Variants in CHCHD6 observed in about 807,000 individuals in gnomAD.
CHCHD6 encodes the protein MICOS complex subunit MIC25.
A neutral mutation model predicts 32.3 loss-of-function variants in CHCHD6; 28 were observed. The ratio of observed to expected loss-of-function variants is 0.87; its 90% confidence interval spans 0.64 to 1.19. CHCHD6 has a LOEUF of 1.19. Ranked by LOEUF, CHCHD6 falls within the 50% of genes most tolerant of loss-of-function variation. The probability of loss-of-function intolerance (pLI) is 0.00; values close to 1 mark genes in which losing one functional copy is unlikely to be tolerated. For synonymous variants in CHCHD6, 122 were observed against 117.5 expected, an observed-to-expected ratio of 1.04 and a Z score of -0.25; for missense variants, 333 against 307.0, an observed-to-expected ratio of 1.08 and a Z score of -0.63.
intron 4 of CHCHD6, among the ~76,000 whole-genome samples, chr3:126,852,132 G>A (rs572465045): frequency 6.6e-4 from 101 of 152,334 alleles, no homozygotes; most frequent in Non-Finnish European, 1.3e-3. Flanking sequence ...GCATGAGGCT[G>A]TGGCATGGTG....
At chr3:126,912,328 C>T (rs1010958416) in intron 5 of CHCHD6, among the ~76,000 whole-genome samples, 5 of 152,086 alleles carry the variant, frequency 3.3e-5, no homozygotes, top group Admixed American at 6.5e-5. Context: ...CTGTCCCTAC[C>T]GCCTCGCCCA....
At chr3:126,775,432 A>G (rs556710929) in intron 4 of CHCHD6, among the ~76,000 whole-genome samples, 1 of 152,310 alleles carries the variant, frequency 6.6e-6, no homozygotes, top group South Asian at 2.1e-4. Flanking sequence ...TTTAAAATAG[A>G]AAGTGAGGAG....
At chr3:126,946,305 A>G (rs929996395) in intron 6 of CHCHD6, among the ~76,000 whole-genome samples, 1 of 152,188 alleles carries the variant, frequency 6.6e-6, no homozygotes, top group African/African-American at 2.4e-5. Flanking sequence ...ATGAGGGTGC[A>G]TCTCCTCTTA....
At chr3:126,956,008 A>G (rs550957006) in intron 6 of CHCHD6, among the ~76,000 whole-genome samples, 2 of 152,350 alleles carry the variant, frequency 1.3e-5, no homozygotes, top group Admixed American at 1.3e-4. Context: ...AGAGCAAGAC[A>G]GCTAAATATG....
chr3:126,877,136 G>A (rs1346901442), intron 5 of CHCHD6, among the ~76,000 whole-genome samples: 1 of 152,188 alleles, frequency 6.6e-6, no homozygotes, highest in Non-Finnish European at 1.5e-5. Flanking sequence ...AACTCAGGAA[G>A]GAGAAACCAG....
chr3:126,812,431 G>A (rs1186649225), intron 4 of CHCHD6, among the ~76,000 whole-genome samples: 2 of 149,056 alleles, frequency 1.3e-5, no homozygotes, highest in East Asian at 3.9e-4. Context: ...CTTTTGAGTT[G>A]CATCTCAGTT....
At chr3:126,746,267 G>A (rs972692108) in intron 4 of CHCHD6, among the ~76,000 whole-genome samples, 4 of 152,174 alleles carry the variant, frequency 2.6e-5, no homozygotes, top group African/African-American at 4.8e-5. Context: ...CATCAGCCTC[G>A]CACAGCGGGC....
chr3:126,727,458 C>T (rs950686656), intron 2 of CHCHD6, among the ~76,000 whole-genome samples: 15 of 152,210 alleles, frequency 9.9e-5, no homozygotes, highest in Non-Finnish European at 2.9e-5. Flanking sequence ...GTTGACAGCT[C>T]AGGAAAGAAG....
At chr3:126,820,333 G>A (rs1439407511) in intron 4 of CHCHD6, among the ~76,000 whole-genome samples, 2 of 152,200 alleles carry the variant, frequency 1.3e-5, no homozygotes, top group South Asian at 4.1e-4. Flanking sequence ...CCTGGATCAA[G>A]ATATAGACCA....
intron 4 of CHCHD6, among the ~76,000 whole-genome samples, chr3:126,784,894 A>G (rs1367822983): frequency 1.3e-5 from 2 of 151,438 alleles, no homozygotes; most frequent in African/African-American, 2.4e-5. Context: ...TCCCCTCCCT[A>G]TTGATTCCTT....
At chr3:126,814,437 G>A (rs1206433297) in intron 4 of CHCHD6, among the ~76,000 whole-genome samples, 1 of 152,230 alleles carries the variant, frequency 6.6e-6, no homozygotes, top group Non-Finnish European at 1.5e-5. Context: ...ACTTCAGCAT[G>A]GGACTGGTCA....
chr3:126,750,676 C>G (rs1453875507), intron 4 of CHCHD6, among the ~76,000 whole-genome samples: 1 of 152,226 alleles, frequency 6.6e-6, no homozygotes, highest in Admixed American at 6.5e-5. Flanking sequence ...GTTCCCAGAG[C>G]TTTCTCCCAA....
intron 5 of CHCHD6, among the ~76,000 whole-genome samples, chr3:126,873,961 T>G (rs2107569180): frequency 6.6e-6 from 1 of 152,334 alleles, no homozygotes; most frequent in Middle Eastern, 3.4e-3. Flanking sequence ...CCTCCATTGT[T>G]GAAGCTGTGA....
chr3:126,740,115 C>T (rs1936225902), intron 4 of CHCHD6, among the ~76,000 whole-genome samples: 1 of 152,158 alleles, frequency 6.6e-6, no homozygotes, highest in Non-Finnish European at 1.5e-5. Context: ...GGGATCAAAC[C>T]CATTCTGTTT....
At chr3:126,957,051 G>A (rs1002891036) in intron 6 of CHCHD6, 12 of 305,800 alleles carry the variant, frequency 3.9e-5, no homozygotes, top group East Asian at 2.7e-4. Context: ...TGGGCACAGC[G>A]GGGCGGGTTG....
chr3:126,849,676 A>G (rs1423427536), intron 4 of CHCHD6, among the ~76,000 whole-genome samples: 2 of 152,210 alleles, frequency 1.3e-5, no homozygotes, highest in African/African-American at 4.8e-5. Flanking sequence ...CGCTAACCCT[A>G]CAAGTGAGTC....
intron 4 of CHCHD6, among the ~76,000 whole-genome samples, chr3:126,822,344 T>G (rs1355943070): frequency 6.6e-6 from 1 of 152,234 alleles, no homozygotes; most frequent in Non-Finnish European, 1.5e-5. Flanking sequence ...TGTGTGGAAT[T>G]GGCACCTTTG....
chr3:126,929,150 C>A (rs554429437), intron 6 of CHCHD6, among the ~76,000 whole-genome samples: 1 of 152,208 alleles, frequency 6.6e-6, no homozygotes, highest in African/African-American at 2.4e-5. Flanking sequence ...CTTCCTTTTC[C>A]TTCAACTTTA....
At chr3:126,925,582 G>A (rs1406683969) in intron 6 of CHCHD6, among the ~76,000 whole-genome samples, 1 of 152,108 alleles carries the variant, frequency 6.6e-6, no homozygotes, top group Non-Finnish European at 1.5e-5. Flanking sequence ...ACCATGAGCC[G>A]CAGAAGGGCT....
Sources: gnomAD v4.1 joint callset for allele counts (sites outside exome capture counted in the v4.1 genomes callset) on GRCh38, gnomAD v4.1.1 for gene constraint, MANE v1.5 for transcripts, NCBI Gene and HGNC (gene_info 2026-07-23, HGNC 2026-07-21) for gene names.